The following NRG2 variants were observed in gnomAD, a reference collection of about 807,000 sequenced individuals.
The protein encoded by NRG2 is pro-neuregulin-2, membrane-bound isoform.
NRG2 carries 27 observed loss-of-function variants against 73.9 expected under a neutral mutation model. The observed-to-expected ratio is 0.37, with a 90% CI of 0.27 to 0.50. The LOEUF (loss-of-function observed/expected upper bound fraction) is 0.50. Among genes scored for constraint, NRG2 ranks in the 20% least tolerant of loss-of-function variants. The probability of loss-of-function intolerance (pLI) is 0.96; values close to 1 mark genes in which losing one functional copy is unlikely to be tolerated. For synonymous variants in NRG2, 532 were observed against 541.0 expected (o/e 0.98, Z 0.23); for missense variants, 1,126 against 1,210.1 (o/e 0.93, Z 1.03).
At chr5:139,964,675 T>C (rs1452603472) in intron 1 of NRG2, among the ~76,000 whole-genome samples, 1 of 152,218 alleles carries the variant, frequency 6.6e-6, no homozygotes, top group African/African-American at 2.4e-5. Context: ...GTTAGACTCC[T>C]CCGTCAGAGA....
At chr5:140,011,903 A>T (rs1219811746) in intron 1 of NRG2, among the ~76,000 whole-genome samples, 1 of 152,210 alleles carries the variant, frequency 6.6e-6, no homozygotes, top group African/African-American at 2.4e-5. Context: ...TCTATTAAAC[A>T]TTTCTTAATA....
intron 1 of NRG2, among the ~76,000 whole-genome samples, chr5:139,996,337 A>G (rs1758008746): frequency 1.3e-5 from 2 of 152,240 alleles, no homozygotes; most frequent in Admixed American, 6.5e-5. Flanking sequence ...ATTCCACAAC[A>G]TGGGGAATAC....
intron 1 of NRG2, among the ~76,000 whole-genome samples, chr5:139,963,040 G>A (rs1225833738): frequency 6.6e-6 from 1 of 152,162 alleles, no homozygotes; most frequent in East Asian, 1.9e-4. Flanking sequence ...AATCTCAACA[G>A]GTTTCTTCTC....
chr5:139,959,351 C>T (rs953450877), intron 1 of NRG2, among the ~76,000 whole-genome samples: 1 of 151,988 alleles, frequency 6.6e-6, no homozygotes, highest in African/African-American at 2.4e-5. Flanking sequence ...AGACATGTGC[C>T]ACCACACCTG....
intron 4 of NRG2, among the ~76,000 whole-genome samples, chr5:139,867,610 A>G (rs138191609): frequency 7.9e-5 from 12 of 152,302 alleles, no homozygotes; most frequent in Non-Finnish European, 1.5e-4. Flanking sequence ...GAGAGGGAGA[A>G]GTGATTTTCA....
At position 139,868,229 on chromosome 5, in the gene NRG2, T is replaced by C. The variant is rs1432585744; in HGVS notation, c.1113-2604A>G. On this transcript the variant is annotated intron_variant, in intron 4 of 9. Coordinates refer to ENST00000361474, the MANE Select transcript of NRG2 (RefSeq NM_004883.3). This position sits in a 1 kb window ranked among gnomAD's most constrained non-coding sequence, Gnocchi z 4.2. ...TCCTATGTCTCTCCTTAGTCCTGTT[T>C]GCTGAGGATGAGTCACATTCAGGAG... Among the ~76,000 whole-genome samples the C allele has an allele frequency of 1.3e-5, 2 of 152,124 alleles. No homozygotes were observed. Among genetic ancestry groups the C allele is most frequent in the Non-Finnish European group, 2.9e-5 (2 of 68,022 alleles).
At chr5:139,855,341 G>C (rs1761737884) in intron 6 of NRG2, among the ~76,000 whole-genome samples, 1 of 152,192 alleles carries the variant, frequency 6.6e-6, no homozygotes. Flanking sequence ...TACATACCAG[G>C]ATCATTCCCA....
At chr5:139,930,778 G>A (rs1752415956) in intron 1 of NRG2, among the ~76,000 whole-genome samples, 1 of 152,232 alleles carries the variant, frequency 6.6e-6, no homozygotes, top group Admixed American at 6.5e-5. Context: ...GGATCCTGAT[G>A]AAGAGCACAG....
intron 1 of NRG2, among the ~76,000 whole-genome samples, chr5:140,021,784 C>T (rs1387352272): frequency 1.3e-5 from 2 of 152,186 alleles, no homozygotes. Flanking sequence ...GCGAGGAACA[C>T]AACGCATGAA....
intron 3 of NRG2, among the ~76,000 whole-genome samples, chr5:139,876,303 A>G (rs1763170881): frequency 6.6e-6 from 1 of 152,222 alleles, no homozygotes; most frequent in Non-Finnish European, 1.5e-5. Flanking sequence ...TGAAATGTCC[A>G]GAATTAGTGG....
At chr5:139,871,636 C>A in intron 4 of NRG2, 85 bp downstream of exon 4, 3 of 1,554,994 alleles carry the variant, frequency 1.9e-6, no homozygotes, top group African/African-American at 2.7e-5. Context: ...TGGCTTGGAA[C>A]CCTCTTTTCC....
At chr5:139,984,109 A>G (rs1757000370) in intron 1 of NRG2, among the ~76,000 whole-genome samples, 1 of 152,188 alleles carries the variant, frequency 6.6e-6, no homozygotes, top group African/African-American at 2.4e-5. Context: ...ATTTAATTAT[A>G]TCAGCTTTAC....
chr5:140,013,371 A>G (rs1759520069), intron 1 of NRG2, among the ~76,000 whole-genome samples: 1 of 152,174 alleles, frequency 6.6e-6, no homozygotes, highest in Admixed American at 6.5e-5. Flanking sequence ...ACCAGCATAT[A>G]AGCATGCGTT....
At position 140,042,523 on chromosome 5, in the gene NRG2, C is replaced by G; in HGVS notation, c.547G>C (p.Gly183Arg). 6.2e-7 allele frequency: 1 copy of G among 1,613,250 alleles called. No homozygotes were observed. The highest frequency in any genetic ancestry group is 8.5e-7 in the Non-Finnish European group (1 of 1,179,702). ...GLQREQVISVGSCVPLERNQR... is the reference protein window; with the variant it reads ...GLQREQVISVRSCVPLERNQR... The stretch of plus-strand genomic sequence containing the variant: ...TTCCTTTCGAGCGGCACACAGGAGC[C>G]CACGCTGATCACCTGCTCGCGCTGC... Residue 183 changes from glycine to arginine, a missense_variant, in exon 1 of 10, where the codon GGC (glycine) becomes CGC (arginine). Gly to Arg is a moderately radical substitution (Grantham distance 125). Coordinates refer to ENST00000361474, the MANE Select transcript of NRG2 (RefSeq NM_004883.3).
chr5:139,947,326 A>G (rs755825609), intron 1 of NRG2, among the ~76,000 whole-genome samples: 3 of 152,218 alleles, frequency 2.0e-5, no homozygotes, highest in Non-Finnish European at 4.4e-5. Flanking sequence ...AAATCAAATT[A>G]TACAATGTTT....
intron 1 of NRG2, among the ~76,000 whole-genome samples, chr5:139,924,522 A>G (rs1751909221): frequency 6.6e-6 from 1 of 152,236 alleles, no homozygotes; most frequent in African/African-American, 2.4e-5. Context: ...TTGGTTTCAC[A>G]TAATAATGTG....
chr5:140,032,485 CT>C (rs1761228117), intron 1 of NRG2, among the ~76,000 whole-genome samples: 1 of 152,130 alleles, frequency 6.6e-6, no homozygotes, highest in Non-Finnish European at 1.5e-5. Context: ...TCCAAAGGTA[CT>C]TTCCATGGTT....
intron 1 of NRG2, among the ~76,000 whole-genome samples, chr5:139,912,780 C>CTCAA (rs1750933097): frequency 1.3e-5 from 2 of 152,228 alleles, no homozygotes; most frequent in South Asian, 4.1e-4. Flanking sequence ...ATCCTTTTAG[C>CTCAA]TCAATCAGTT....
At chr5:139,982,967 A>G (rs1022279175) in intron 1 of NRG2, among the ~76,000 whole-genome samples, 1 of 152,188 alleles carries the variant, frequency 6.6e-6, no homozygotes, top group African/African-American at 2.4e-5. Flanking sequence ...TTATCAGCCC[A>G]GCTCCCAACT....
Sources: gnomAD v4.1 joint callset for allele counts (sites outside exome capture counted in the v4.1 genomes callset) on GRCh38, gnomAD v4.1.1 for gene constraint, Gnocchi (gnomAD v3.1) non-coding constraint, MANE v1.5 for transcripts, NCBI Gene and HGNC (gene_info 2026-07-23, HGNC 2026-07-21) for gene names.